Variants in BSDC1 observed in about 807,000 individuals in gnomAD.
BSDC1 encodes the protein BSD domain-containing protein 1.
A neutral mutation model predicts 56.0 loss-of-function variants in BSDC1; 29 were observed. The ratio of observed to expected loss-of-function variants is 0.52; its 90% CI spans 0.39 to 0.71. BSDC1 has a LOEUF of 0.71. BSDC1 is among the 30% of genes least tolerant of loss of function. BSDC1 has a pLI of 0.00. For synonymous variants in BSDC1, 210 were observed against 215.3 expected (o/e 0.98, Z 0.21); for missense variants, 477 against 548.5 (o/e 0.87, Z 1.30).
At chr1:32,371,829 G>A (rs1349238944) in intron 9 of BSDC1, among the ~76,000 whole-genome samples, 1 of 152,110 alleles carries the variant, frequency 6.6e-6, no homozygotes, top group Non-Finnish European at 1.5e-5. Context: ...GGCAGACCTG[G>A]GTTGAATACC....
At chr1:32,393,433 T>A (rs760414762) in intron 2 of BSDC1, among the ~76,000 whole-genome samples, 6 of 152,226 alleles carry the variant, frequency 3.9e-5, no homozygotes, top group Non-Finnish European at 7.3e-5. Context: ...TTGCTTTTCA[T>A]CCTGTCTAGG....
chr1:32,368,334 C>T, intron 10 of BSDC1, 113 bp downstream of exon 10: 2 of 1,613,200 alleles, frequency 1.2e-6, no homozygotes, highest in South Asian at 2.2e-5. Context: ...CACCACCTGT[C>T]ACCTCAGACA....
At position 32,394,066 on chromosome 1, in the gene BSDC1, C is replaced by CG; in HGVS notation, c.72+13dup. 6.2e-7 allele frequency: 1 copy of CG among 1,605,074 alleles called. No individual in the cohort carries two copies. The highest frequency in any genetic ancestry group is 8.5e-7 in the Non-Finnish European group (1 of 1,176,184). ...GGGCCCTGCTGAGGGAAGAAGGGCA[C>CG]GGGCCCGGCTTACCTTCTCTTTGAC... On this transcript the variant is annotated intron_variant, in intron 2 of 10. Transcript: ENST00000455895.
Position 32,383,817 on chromosome 1 carries a change from T to C in BSDC1, c.357+13A>G, listed in dbSNP as rs1287076047. 2.5e-6 allele frequency: 4 copies of C among 1,611,444 alleles called. No individual in the cohort carries two copies. The Admixed American group carries it at 6.7e-5, about 27-fold the overall frequency. On this transcript the variant is annotated intron_variant, in intron 4 of 10. Coordinates refer to ENST00000455895, the MANE Select transcript of BSDC1 (RefSeq NM_018045.8). Reference sequence around the variant, plus strand: ...GATGTTAGGCATCTGCAGGGGAGACTGTCAGTGAATACCTTGGTGCCATCA... The same window carrying C: ...GATGTTAGGCATCTGCAGGGGAGACCGTCAGTGAATACCTTGGTGCCATCA...
Position 32,378,294 on chromosome 1 carries a change from G to A in BSDC1, c.529-11C>T, listed in dbSNP as rs377336946. On this transcript the variant is annotated splice_polypyrimidine_tract_variant and intron_variant, in intron 6 of 10. Transcript: ENST00000455895. This position sits in a 1 kb window ranked among gnomAD's most constrained non-coding sequence, Gnocchi z 5.2. ...AACAGCTGCTGGAACCTGGAGGGAG[G>A]GGAAAATGGAGGTGAGACTTTGGGA... 3 of 1,613,880 alleles carry A rather than the reference G, an allele frequency of 1.9e-6. No individual in the cohort carries two copies. The highest frequency in any genetic ancestry group is 2.5e-6 in the Non-Finnish European group (3 of 1,179,868).
intron 4 of BSDC1, among the ~76,000 whole-genome samples, chr1:32,382,137 G>C (rs1642498105): frequency 6.6e-6 from 1 of 150,842 alleles, no homozygotes; most frequent in Non-Finnish European, 1.5e-5. Flanking sequence ...TGAGGCAGGA[G>C]AATCGCTTGA....
At chr1:32,382,077 A>T (rs1642495221) in intron 4 of BSDC1, among the ~76,000 whole-genome samples, 1 of 151,970 alleles carries the variant, frequency 6.6e-6, no homozygotes, top group Admixed American at 6.6e-5. Context: ...AAATACAAAA[A>T]TTAGCCGGGC....
At chr1:32,381,382 G>T in intron 4 of BSDC1, 114 bp from the exon 5 acceptor site, 1 of 1,044,838 alleles carries the variant, frequency 9.6e-7, no homozygotes, top group Non-Finnish European at 1.4e-6. Context: ...CTTGTTGGCT[G>T]GGATACCCCC....
In BSDC1 at chr1:32,383,932, G is replaced by A. The variant is rs35849659; in HGVS notation, c.255C>T (p.Ile85=). 982 of 1,612,832 alleles carry A rather than the reference G, an allele frequency of 6.1e-4. 3 individuals are homozygous for A. The highest frequency in any genetic ancestry group is 4.7e-3 in the African/African-American group (349 of 74,970). ...KKGLSDFLGV[I]SDTFAPSPDK... ...CTGGCGAAGGGGCAAAGGTGTCTGA[G>A]ATCACCCCTAGGAAGTCAGATAACC... Residue 85 remains isoleucine (I), a synonymous_variant, in exon 4 of 11, where the codon ATC becomes ATT. Coordinates refer to ENST00000455895, the MANE Select transcript of BSDC1 (RefSeq NM_018045.8).
At chr1:32,368,242 T>C (rs977625321) in intron 10 of BSDC1, 7 of 1,483,252 alleles carry the variant, frequency 4.7e-6, no homozygotes, top group African/African-American at 1.4e-5. Context: ...CTTGACCCTC[T>C]ATCCACCCTG....
intron 2 of BSDC1, among the ~76,000 whole-genome samples, chr1:32,392,505 A>G (rs185197890): frequency 2.4e-4 from 37 of 152,150 alleles, no homozygotes; most frequent in African/African-American, 7.2e-4. Flanking sequence ...TTGGCCAACT[A>G]TCTATTTTTC....
At chr1:32,381,144 C>T (rs1642464731) in intron 5 of BSDC1, 70 bp downstream of exon 5, 1 of 1,520,790 alleles carries the variant, frequency 6.6e-7, no homozygotes, top group Non-Finnish European at 9.1e-7. Context: ...CTGAGACAAA[C>T]AGGGTCTACA....
At position 32,376,304 on chromosome 1, in the gene BSDC1, AG is replaced by A; in HGVS notation, c.1113del (p.Ser372ArgfsTer32). On this transcript the variant is annotated frameshift_variant, in exon 9 of 11. Coordinates refer to ENST00000455895, the MANE Select transcript of BSDC1 (RefSeq NM_018045.8). LOFTEE classifies it high-confidence loss of function. ...APTDLRVFEL[N>X]SDSGKSTPSN... ...GAGGGTGTAGACTTCCCACTATCCG[AG>A]TTCAGCTCAAACACCCGTAAGTCTG... is the stretch of plus-strand genomic sequence containing the variant. 6.3e-7 allele frequency: 1 copy of A among 1,578,782 alleles called. No homozygotes were observed. The highest frequency in any genetic ancestry group is 1.1e-5 in the South Asian group (1 of 88,484).
At chr1:32,394,370 G>C (rs1169864853) in intron 1 of BSDC1, 34 bp downstream of exon 1, 1 of 1,613,930 alleles carries the variant, frequency 6.2e-7, no homozygotes, top group Admixed American at 1.7e-5. Context: ...GAGAATTCAG[G>C]CCCCAACGCC....
chr1:32,377,646 G>A (rs1326136148), intron 8 of BSDC1, among the ~76,000 whole-genome samples: 4 of 152,146 alleles, frequency 2.6e-5, no homozygotes, highest in African/African-American at 7.2e-5. Context: ...ATGTCTGGCC[G>A]CATCTTTACA....
At chr1:32,382,254 T>C (rs1415859995) in intron 4 of BSDC1, among the ~76,000 whole-genome samples, 1 of 125,460 alleles carries the variant, frequency 8.0e-6, no homozygotes, top group African/African-American at 3.0e-5. Flanking sequence ...CAGAAGTCAA[T>C]GTGATAAAAT....
At chr1:32,366,987 A>C in intron 10 of BSDC1, 1 of 1,078,802 alleles carries the variant, frequency 9.3e-7, no homozygotes, top group Non-Finnish European at 1.1e-6. Flanking sequence ...TGCTGAGCAG[A>C]TAATGCCATG....
chr1:32,366,962 G>C, intron 10 of BSDC1: 1 of 1,136,710 alleles, frequency 8.8e-7, no homozygotes, highest in Non-Finnish European at 1.1e-6. Context: ...AGTCCTTTAA[G>C]GAGAACTTGC....
Position 32,378,912 on chromosome 1 carries a change from T to A in BSDC1, c.413-73A>T. On this transcript the variant is annotated intron_variant, in intron 5 of 10. Transcript: ENST00000455895. The surrounding 1 kb of genome is among the most constrained non-coding windows in gnomAD (Gnocchi z 5.2). ...GAACACTGGGCTTACAGAACATATC[T>A]AAGGCTGGACATGGAAAATGAAGAA... 1 of 1,014,540 alleles carries A rather than the reference T, an allele frequency of 9.9e-7. No homozygotes were observed. The highest frequency in any genetic ancestry group is 1.4e-6 in the Non-Finnish European group (1 of 736,118). The allele number at this position is 1,014,540 out of a possible 1,614,324, so 62.8% of individuals were successfully genotyped here.
Sources: allele counts gnomAD v4.1 joint callset (sites outside exome capture counted in the v4.1 genomes callset), GRCh38; gene constraint gnomAD v4.1.1; non-coding constraint Gnocchi (gnomAD v3.1); transcripts MANE v1.5; gene names NCBI Gene and HGNC (gene_info 2026-07-23, HGNC 2026-07-21).